The following TPP2 variants were observed in gnomAD, a reference collection of about 807,000 sequenced individuals.
TPP2 encodes tripeptidyl peptidase 2.
TPP2 carries 34 observed loss-of-function variants against 155.9 expected under a neutral mutation model. The ratio of observed to expected loss-of-function variants is 0.22; its 90% CI spans 0.17 to 0.29. The LOEUF (loss-of-function observed/expected upper bound fraction) is 0.29, where lower values mean the gene tolerates loss of function less well. TPP2 is among the 10% of genes least tolerant of loss of function. The pLI, the probability that TPP2 is intolerant of heterozygous loss-of-function variation, is 1.00. For missense variants in TPP2, 1,028 were observed against 1,522.3 expected (o/e 0.68, Z 5.40); for synonymous variants, 510 against 529.4 (o/e 0.96, Z 0.50).
At chr13:102,627,590 C>T (rs1881720042) in intron 7 of TPP2, among the ~76,000 whole-genome samples, 1 of 151,028 alleles carries the variant, frequency 6.6e-6, no homozygotes, top group African/African-American at 2.4e-5. Context: ...TACCTCTGTC[C>T]CCCTCTAACC....
At chr13:102,675,095 A>G (rs1885211554) in intron 28 of TPP2, among the ~76,000 whole-genome samples, 1 of 152,216 alleles carries the variant, frequency 6.6e-6, no homozygotes, top group African/African-American at 2.4e-5. Context: ...GTGGAAATAA[A>G]ATAAAGTAAA....
intron 4 of TPP2, 48 bp downstream of exon 4, chr13:102,616,548 C>T (rs756587218): frequency 6.9e-7 from 1 of 1,453,284 alleles, no homozygotes; most frequent in South Asian, 1.4e-5. Flanking sequence ...AACCATATTC[C>T]CATAGAGTTT....
At chr13:102,622,419 A>G (rs1489847457) in intron 5 of TPP2, among the ~76,000 whole-genome samples, 1 of 152,242 alleles carries the variant, frequency 6.6e-6, no homozygotes, top group Non-Finnish European at 1.5e-5. Context: ...TGTGAGAAAT[A>G]AATTTAAGTC....
At chr13:102,615,723 G>A (rs2139442400) in intron 3 of TPP2, among the ~76,000 whole-genome samples, 1 of 152,224 alleles carries the variant, frequency 6.6e-6, no homozygotes, top group South Asian at 2.1e-4. Context: ...CGTACACTAG[G>A]CTTATGGCAT....
chr13:102,641,354 G>A (rs1882755203), intron 16 of TPP2, among the ~76,000 whole-genome samples: 1 of 152,170 alleles, frequency 6.6e-6, no homozygotes, highest in Admixed American at 6.5e-5. Flanking sequence ...CAGCATTGTT[G>A]ATACTTCTTG....
chr13:102,603,436 C>T (rs1434466044), intron 1 of TPP2, among the ~76,000 whole-genome samples: 1 of 152,150 alleles, frequency 6.6e-6, no homozygotes, highest in Non-Finnish European at 1.5e-5. Flanking sequence ...TCGAGGAGGC[C>T]TTTCTGCAGG....
At chr13:102,640,221 G>A (rs1882661948) in intron 15 of TPP2, 49 bp from the exon 16 acceptor site, 1 of 1,328,624 alleles carries the variant, frequency 7.5e-7, no homozygotes, top group African/African-American at 1.5e-5. Flanking sequence ...TAGAGTATCT[G>A]TGGTCTTATA....
chr13:102,617,234 G>A (rs1266214315), intron 4 of TPP2, among the ~76,000 whole-genome samples: 3 of 151,930 alleles, frequency 2.0e-5, no homozygotes, highest in African/African-American at 7.3e-5. Context: ...CTAATTATAT[G>A]TATTATTGTC....
chr13:102,669,863 G>A lies in TPP2; in HGVS notation c.3372-4420G>A, dbSNP rs1884856531. Among the ~76,000 whole-genome samples, 5 of 152,158 alleles carry A rather than the reference G, an allele frequency of 3.3e-5. No homozygotes were observed. In the South Asian group the frequency reaches 1.0e-3, roughly 32 times the overall value. ...CAAATGTATGTAATAAAAATAGGAT[G>A]TGTACATTGATCCACCGATTGCTGA... On this transcript the variant is annotated intron_variant, in intron 27 of 29. Coordinates refer to ENST00000376052, the MANE Select transcript of TPP2 (RefSeq NM_001330588.2).
intron 24 of TPP2, among the ~76,000 whole-genome samples, chr13:102,656,280 A>G (rs961874522): frequency 6.6e-6 from 1 of 152,138 alleles, no homozygotes; most frequent in Non-Finnish European, 1.5e-5. Context: ...TACAATATAT[A>G]GTATTTTTTC....
intron 3 of TPP2, 24 bp from the exon 4 acceptor site, chr13:102,616,371 TA>T: frequency 6.3e-7 from 1 of 1,584,916 alleles, no homozygotes; most frequent in Non-Finnish European, 8.6e-7. Context: ...AGCCTAATTG[TA>T]AGGTAATTTT....
At position 102,604,934 on chromosome 13, in the gene TPP2, GTCT is replaced by G. The variant is rs1879707410; in HGVS notation, c.294+18_294+20del. ...AAGAGTGCTTAAGGTGAGACCTTTT[GTCT>G]TCTTTTTGAATTTTTTTTTTTTTAC... is the stretch of plus-strand genomic sequence containing the variant. On this transcript the variant is annotated intron_variant, in intron 2 of 29. Transcript: ENST00000376052. 2 of 1,596,842 alleles carry G rather than the reference GTCT, an allele frequency of 1.3e-6. No homozygotes were observed. The highest frequency in any genetic ancestry group is 2.2e-5 in the East Asian group (1 of 44,768).
Position 102,616,493 on chromosome 13 carries a change from C to T in TPP2, c.488C>T (p.Ser163Phe). Residue 163 changes from serine to phenylalanine, a missense_variant, in exon 4 of 30, where the codon TCT (serine) becomes TTT (phenylalanine). By Grantham distance (155) the Ser-to-Phe change is radical (BLOSUM62 -2). Transcript: ENST00000376052. ...GAATTTGATGTTGCCAACAACGGCTCTTCTCAAGTTGGTGCTAGTCGATTT... is the reference window on the plus strand; with the variant it reads ...GAATTTGATGTTGCCAACAACGGCTTTTCTCAAGTTGGTGCTAGTCGATTT... ...QEEFDVANNG[S>F]SQANKLIKEE... The T allele has an allele frequency of 1.2e-6, 2 of 1,609,542 alleles. No individual in the cohort carries two copies. The highest frequency in any genetic ancestry group is 1.7e-6 in the Non-Finnish European group (2 of 1,177,626).
intron 2 of TPP2, among the ~76,000 whole-genome samples, chr13:102,609,131 AG>A (rs1367697885): frequency 6.6e-6 from 1 of 152,146 alleles, no homozygotes; most frequent in Non-Finnish European, 1.5e-5. Flanking sequence ...AGGGGCCTGG[AG>A]TGATGTCATG....
chr13:102,645,074 T>G, intron 19 of TPP2, 65 bp downstream of exon 19: 1 of 1,441,712 alleles, frequency 6.9e-7, no homozygotes, highest in Non-Finnish European at 9.4e-7. Context: ...CTTACACTCT[T>G]AAAAAAGGGC....
At chr13:102,640,427 T>A (rs1595176391) in intron 16 of TPP2, 51 bp downstream of exon 16, 1 of 1,407,832 alleles carries the variant, frequency 7.1e-7, no homozygotes, top group South Asian at 1.2e-5. Flanking sequence ...TACGTTCTAA[T>A]GACTATAGCT....
At chr13:102,598,136 C>CT (rs988526870) in intron 1 of TPP2, among the ~76,000 whole-genome samples, 236 of 152,252 alleles carry the variant, frequency 1.6e-3, no homozygotes, top group African/African-American at 5.5e-3. Context: ...TGTTTAAAGT[C>CT]TTTAAAGTTT....
intron 2 of TPP2, among the ~76,000 whole-genome samples, chr13:102,610,455 C>G (rs1880204950): frequency 6.6e-6 from 1 of 152,138 alleles, no homozygotes; most frequent in African/African-American, 2.4e-5. Context: ...GTCTCGAACT[C>G]CTGACATCAG....
At chr13:102,616,723 A>C (rs573835120) in intron 4 of TPP2, among the ~76,000 whole-genome samples, 51 of 152,356 alleles carry the variant, frequency 3.3e-4, no homozygotes, top group Non-Finnish European at 6.2e-4. Flanking sequence ...GTAAAAGTAC[A>C]TAAATTGTGT....
Sources: allele counts gnomAD v4.1 joint callset (sites outside exome capture counted in the v4.1 genomes callset), GRCh38; gene constraint gnomAD v4.1.1; transcripts MANE v1.5; gene names NCBI Gene and HGNC (gene_info 2026-07-23, HGNC 2026-07-21).